Variants in SCMH1 observed in about 807,000 individuals in gnomAD.
SCMH1 encodes the protein polycomb protein SCMH1.
Under a neutral mutation model 70.8 loss-of-function variants are expected in SCMH1, and 37 were observed. That is an observed-to-expected ratio of 0.52 (90% CI 0.40 to 0.69). The LOEUF is 0.69. SCMH1 is among the 30% of genes least tolerant of loss of function. The probability of loss-of-function intolerance (pLI) is 0.00; values close to 1 mark genes in which losing one functional copy is unlikely to be tolerated. For synonymous variants in SCMH1, 292 were observed against 307.4 expected, an observed-to-expected ratio of 0.95 and a Z score of 0.52; for missense variants, 607 against 827.3, an observed-to-expected ratio of 0.73 and a Z score of 3.27.
rs572263741 is a variant in SCMH1 at position 41,138,407 on chromosome 1, T to C, written c.412+4471A>G. On this transcript the variant is annotated intron_variant, in intron 6 of 14. Transcript: ENST00000337495. ...CTTCTTTTGGGTTTTCAGTTATACA[T>C]ACATATACATATCGTGTACATATAC... 3.9e-5 allele frequency among the ~76,000 whole-genome samples: 6 copies of C among 152,358 alleles called. No individual in the cohort carries two copies. In the East Asian group the frequency reaches 7.7e-4, roughly 20 times the overall value.
chr1:41,054,326 T>C (rs1198561273), intron 10 of SCMH1, among the ~76,000 whole-genome samples: 3 of 152,092 alleles, frequency 2.0e-5, no homozygotes, highest in Non-Finnish European at 4.4e-5. Context: ...GACAAAGTAA[T>C]GAAAGTATCA....
intron 6 of SCMH1, among the ~76,000 whole-genome samples, chr1:41,141,337 G>C (rs753258521): frequency 6.6e-6 from 1 of 152,192 alleles, no homozygotes; most frequent in Non-Finnish European, 1.5e-5. Context: ...GAAAGACAAA[G>C]CTAAGTAATT....
intron 8 of SCMH1, among the ~76,000 whole-genome samples, chr1:41,096,756 G>A (rs1163032364): frequency 6.6e-6 from 1 of 152,132 alleles, no homozygotes; most frequent in Non-Finnish European, 1.5e-5. Flanking sequence ...TACACAAAGT[G>A]CAGACAGGCT....
intron 2 of SCMH1, among the ~76,000 whole-genome samples, chr1:41,162,021 G>T (rs1447109541): frequency 6.6e-6 from 1 of 151,986 alleles, no homozygotes. Context: ...GAGCCTGGGA[G>T]CAGGCAGGAG....
intron 2 of SCMH1, among the ~76,000 whole-genome samples, chr1:41,178,344 A>C (rs1382922214): frequency 1.3e-5 from 2 of 152,198 alleles, no homozygotes; most frequent in East Asian, 3.9e-4. Flanking sequence ...CGAGCAAAAT[A>C]ACCAGCTAAC....
intron 5 of SCMH1, among the ~76,000 whole-genome samples, chr1:41,144,649 C>T (rs1192161305): frequency 6.6e-6 from 1 of 152,134 alleles, no homozygotes; most frequent in Non-Finnish European, 1.5e-5. Context: ...TGTGGTAACT[C>T]TGTTTAACAC....
chr1:41,034,971 G>T (rs1316193579), intron 13 of SCMH1, among the ~76,000 whole-genome samples: 3 of 152,144 alleles, frequency 2.0e-5, no homozygotes, highest in East Asian at 1.9e-4. Context: ...TGCCTCCAGT[G>T]ACTCTCACCT....
At chr1:41,155,139 T>C (rs1212455480) in intron 4 of SCMH1, among the ~76,000 whole-genome samples, 1 of 152,186 alleles carries the variant, frequency 6.6e-6, no homozygotes, top group Non-Finnish European at 1.5e-5. Flanking sequence ...TATAAAAGTG[T>C]TTTTATAAAC....
intron 10 of SCMH1, among the ~76,000 whole-genome samples, chr1:41,051,457 G>T (rs531519752): frequency 1.3e-5 from 2 of 152,248 alleles, no homozygotes; most frequent in South Asian, 4.1e-4. Flanking sequence ...CCTTCAGGAG[G>T]TATTCCAGGA....
chr1:41,228,414 T>C (rs1229816959), intron 1 of SCMH1, among the ~76,000 whole-genome samples: 1 of 152,202 alleles, frequency 6.6e-6, no homozygotes, highest in African/African-American at 2.4e-5. Context: ...TTATGTTACA[T>C]ATATTTTACC....
intron 8 of SCMH1, among the ~76,000 whole-genome samples, chr1:41,094,571 T>A (rs947992605): frequency 6.6e-6 from 1 of 151,968 alleles, no homozygotes; most frequent in Non-Finnish European, 1.5e-5. Flanking sequence ...TCCCTCTTAG[T>A]GGTAGATAAA....
At chr1:41,241,023 A>G (rs1278196879) in intron 1 of SCMH1, among the ~76,000 whole-genome samples, 3 of 152,210 alleles carry the variant, frequency 2.0e-5, no homozygotes, top group Non-Finnish European at 4.4e-5. Flanking sequence ...AGATATCTTA[A>G]CAGCTTCCCA....
intron 1 of SCMH1, among the ~76,000 whole-genome samples, chr1:41,218,736 C>T (rs1658619726): frequency 6.6e-6 from 1 of 152,116 alleles, no homozygotes; most frequent in Admixed American, 6.5e-5. Flanking sequence ...CACTGGTGAC[C>T]ACATTTAAAC....
At chr1:41,236,208 G>A (rs926435876) in intron 1 of SCMH1, among the ~76,000 whole-genome samples, 2 of 152,194 alleles carry the variant, frequency 1.3e-5, no homozygotes, top group African/African-American at 4.8e-5. Flanking sequence ...AAAGAGCACA[G>A]GGGTTTTAAG....
chr1:41,174,410 T>G (rs573211259), intron 2 of SCMH1, among the ~76,000 whole-genome samples: 1 of 152,066 alleles, frequency 6.6e-6, no homozygotes, highest in Admixed American at 6.6e-5. Flanking sequence ...TACTCCACAA[T>G]GGAAGAATTG....
At chr1:41,119,696 G>A (rs1671447163) in intron 6 of SCMH1, among the ~76,000 whole-genome samples, 1 of 152,138 alleles carries the variant, frequency 6.6e-6, no homozygotes, top group Admixed American at 6.5e-5. Context: ...TTTGCAGTTT[G>A]GGCACTGCTA....
intron 1 of SCMH1, among the ~76,000 whole-genome samples, chr1:41,195,315 T>C (rs753388994): frequency 2.0e-5 from 3 of 152,100 alleles, no homozygotes; most frequent in Admixed American, 6.5e-5. Flanking sequence ...AATGCAAAAG[T>C]CCTCAACAAA....
At chr1:41,196,068 G>T (rs1320054413) in intron 1 of SCMH1, among the ~76,000 whole-genome samples, 1 of 152,110 alleles carries the variant, frequency 6.6e-6, no homozygotes, top group Non-Finnish European at 1.5e-5. Context: ...TAAAGAAGAT[G>T]TAAGTAAATG....
At chr1:41,182,241 C>T (rs1435870072) in intron 2 of SCMH1, among the ~76,000 whole-genome samples, 5 of 152,082 alleles carry the variant, frequency 3.3e-5, no homozygotes, top group Admixed American at 3.3e-4. Context: ...GGAGATATAC[C>T]TAATGTTGAA....
Sources: allele counts gnomAD v4.1 joint callset (sites outside exome capture counted in the v4.1 genomes callset), GRCh38; gene constraint gnomAD v4.1.1; transcripts MANE v1.5; gene names NCBI Gene and HGNC (gene_info 2026-07-23, HGNC 2026-07-21).